Variants in RABGAP1L observed in about 807,000 individuals in gnomAD.
RABGAP1L encodes the protein RAB GTPase activating protein 1 like.
Under a neutral mutation model 137.7 loss-of-function variants are expected in RABGAP1L, and 63 were observed. That is an observed-to-expected ratio of 0.46 (90% CI 0.37 to 0.56). The LOEUF is 0.56. RABGAP1L is among the 20% of genes least tolerant of loss of function. The pLI, the probability that RABGAP1L is intolerant of heterozygous loss-of-function variation, is 0.00. For synonymous variants in RABGAP1L, 431 were observed against 433.7 expected, an observed-to-expected ratio of 0.99 and a Z score of 0.08; for missense variants, 1,095 against 1,244.0, an observed-to-expected ratio of 0.88 and a Z score of 1.80.
At chr1:174,342,841 T>C (rs1406932318) in intron 11 of RABGAP1L, among the ~76,000 whole-genome samples, 1 of 151,210 alleles carries the variant, frequency 6.6e-6, no homozygotes, top group East Asian at 2.0e-4. Flanking sequence ...TGGGTTCAAG[T>C]GATTCTCCTT....
chr1:174,421,305 T>G (rs978895493), intron 13 of RABGAP1L, among the ~76,000 whole-genome samples: 1 of 152,224 alleles, frequency 6.6e-6, no homozygotes, highest in Non-Finnish European at 1.5e-5. Context: ...TACATCTTTT[T>G]CCTAGGCAAC....
At chr1:174,536,964 T>A (rs1664941832) in intron 13 of RABGAP1L, among the ~76,000 whole-genome samples, 1 of 152,156 alleles carries the variant, frequency 6.6e-6, no homozygotes, top group South Asian at 2.1e-4. Context: ...ACCAAGGAAA[T>A]TTTGAATTTG....
chr1:174,642,150 G>A (rs778191976), intron 14 of RABGAP1L, among the ~76,000 whole-genome samples: 18 of 151,984 alleles, frequency 1.2e-4, no homozygotes, highest in Non-Finnish European at 2.5e-4. Context: ...TTTTTGTTTG[G>A]TGTAAATGCT....
Position 174,913,902 on chromosome 1 carries a change from G to C in RABGAP1L, c.2341-43555G>C, listed in dbSNP as rs141893713. 6.8e-4 allele frequency among the ~76,000 whole-genome samples: 104 copies of C among 152,216 alleles called. 1 individual carries two copies. The highest frequency in any genetic ancestry group is 2.3e-3 in the African/African-American group (96 of 41,540). ...CAAATTCTAAAACTTTAATAACTTT[G>C]AGGAACACTCTTTAAATACCTAGAC... On this transcript the variant is annotated intron_variant, in intron 19 of 25. Coordinates refer to ENST00000681986, the MANE Select transcript of RABGAP1L (RefSeq NM_001366446.1).
intron 1 of RABGAP1L, among the ~76,000 whole-genome samples, chr1:174,212,883 A>G (rs569961860): frequency 1.3e-5 from 2 of 152,308 alleles, no homozygotes; most frequent in East Asian, 3.9e-4. Flanking sequence ...CAGAAATTCA[A>G]AGGATCATTA....
intron 13 of RABGAP1L, among the ~76,000 whole-genome samples, chr1:174,615,331 G>C (rs1231288796): frequency 2.0e-5 from 3 of 152,188 alleles, no homozygotes; most frequent in Non-Finnish European, 4.4e-5. Context: ...GGGGTTTGCT[G>C]GATGTCCACT....
At chr1:174,507,845 C>T (rs1018608879) in intron 13 of RABGAP1L, among the ~76,000 whole-genome samples, 1 of 151,514 alleles carries the variant, frequency 6.6e-6, no homozygotes, top group African/African-American at 2.4e-5. Context: ...TTTATATTCA[C>T]CAAACAGAGT....
At position 174,983,024 on chromosome 1, in the gene RABGAP1L, G is replaced by T. The variant is rs1279676764; in HGVS notation, c.2805+119G>T. 19 of 1,052,364 alleles carry T rather than the reference G, an allele frequency of 1.8e-5. No individual in the cohort carries two copies. The African/African-American group carries it at 1.9e-4, about 11-fold the overall frequency. 65.2% of individuals were successfully genotyped at this position (1,052,364 alleles called of 1,614,324 possible). On this transcript the variant is annotated intron_variant, in intron 24 of 25. Coordinates refer to ENST00000681986, the MANE Select transcript of RABGAP1L (RefSeq NM_001366446.1). ...TAAAGGATTTATTAATAGGAATTAT[G>T]GAGACTAGGATACCTCTCTTCTGAC...
intron 4 of RABGAP1L, among the ~76,000 whole-genome samples, chr1:174,236,527 C>T (rs1428638474): frequency 6.7e-6 from 1 of 150,226 alleles, no homozygotes; most frequent in East Asian, 2.0e-4. Context: ...TCGTTATGTA[C>T]CCAGTAGTCA....
At chr1:174,313,046 G>GC (rs1158774236) in intron 11 of RABGAP1L, among the ~76,000 whole-genome samples, 3 of 152,106 alleles carry the variant, frequency 2.0e-5, no homozygotes, top group African/African-American at 7.2e-5. Flanking sequence ...AACTGCCTCA[G>GC]CCTCCCGAGT....
intron 12 of RABGAP1L, among the ~76,000 whole-genome samples, chr1:174,386,060 T>C (rs1401564638): frequency 1.3e-5 from 2 of 152,094 alleles, no homozygotes; most frequent in Non-Finnish European, 2.9e-5. Flanking sequence ...GTAGGATAAT[T>C]TGATGAATAG....
intron 13 of RABGAP1L, among the ~76,000 whole-genome samples, chr1:174,632,275 A>G (rs1288656026): frequency 8.1e-5 from 12 of 147,252 alleles, no homozygotes; most frequent in Admixed American, 8.1e-4. Context: ...TGTTAGTCTG[A>G]TGGGCTTCCC....
intron 24 of RABGAP1L, among the ~76,000 whole-genome samples, chr1:174,985,509 C>G (rs558982194): frequency 6.6e-6 from 1 of 152,338 alleles, no homozygotes; most frequent in South Asian, 2.1e-4. Flanking sequence ...GCCTGGAAGT[C>G]AGACTCTAAA....
chr1:174,608,881 A>T (rs558100290), intron 13 of RABGAP1L, among the ~76,000 whole-genome samples: 2 of 152,286 alleles, frequency 1.3e-5, no homozygotes, highest in East Asian at 3.9e-4. Flanking sequence ...TGGTAGTGCC[A>T]AAAAAGAACA....
intron 19 of RABGAP1L, among the ~76,000 whole-genome samples, chr1:174,932,185 C>A (rs1251817561): frequency 6.6e-6 from 1 of 151,060 alleles, no homozygotes; most frequent in African/African-American, 2.4e-5. Flanking sequence ...GAAACCGCTC[C>A]AGGAAGTGAT....
At chr1:174,846,010 GTGTAGAGGTGTT>G (rs1403457696) in intron 19 of RABGAP1L, among the ~76,000 whole-genome samples, 13 of 147,248 alleles carry the variant, frequency 8.8e-5, no homozygotes, top group African/African-American at 3.3e-4. Context: ...TAGTTTATTT[GTGTAGAGGTGTT>G]TGTAGTATTC....
At chr1:174,613,714 G>T in intron 13 of RABGAP1L, among the ~76,000 whole-genome samples, 1 of 152,144 alleles carries the variant, frequency 6.6e-6, no homozygotes, top group African/African-American at 2.4e-5. Context: ...AGGTTACTCA[G>T]GACTTGCATT....
chr1:174,456,701 A>G (rs1389276450), intron 13 of RABGAP1L, among the ~76,000 whole-genome samples: 1 of 152,160 alleles, frequency 6.6e-6, no homozygotes, highest in East Asian at 1.9e-4. Flanking sequence ...GGCAAACACA[A>G]AATTGCCTTG....
rs540770625 is a variant in RABGAP1L, at chr1:174,461,708, C to T, written c.1710+67563C>T. 3.9e-5 allele frequency among the ~76,000 whole-genome samples: 6 copies of T among 152,248 alleles called. No homozygotes were observed. The South Asian group carries it at 1.2e-3, about 32-fold the overall frequency. ...CTGAAGATTACTTCAAGATTATTTT[C>T]CCCAGTGCCTTGCTGTTACCAACTG... On this transcript the variant is annotated intron_variant, in intron 13 of 25. Transcript: ENST00000681986.
Sources: allele counts gnomAD v4.1 joint callset (sites outside exome capture counted in the v4.1 genomes callset), GRCh38; gene constraint gnomAD v4.1.1; transcripts MANE v1.5; gene names NCBI Gene and HGNC (gene_info 2026-07-23, HGNC 2026-07-21).